EFCAB7: variants seen among roughly 807,000 people sequenced by gnomAD.
EFCAB7 encodes EF-hand calcium binding domain 7.
In EFCAB7, 66 loss-of-function variants were observed where a neutral mutation model predicts 77.1. The ratio of observed to expected loss-of-function variants is 0.86; its 90% CI spans 0.70 to 1.05. EFCAB7 has a LOEUF of 1.05. Among genes scored for constraint, EFCAB7 ranks in the 50% least tolerant of loss-of-function variants. The probability of loss-of-function intolerance (pLI) is 0.00; values close to 1 mark genes in which losing one functional copy is unlikely to be tolerated. For synonymous variants in EFCAB7, 225 were observed against 243.3 expected (o/e 0.92, Z 0.70); for missense variants, 638 against 730.5 (o/e 0.87, Z 1.46).
At position 63,531,903 on chromosome 1, in the gene EFCAB7, G is replaced by A; in HGVS notation, c.271G>A (p.Asp91Asn). ...TPQTAKLNFD[D>N]FCIILRKEKP... ...TCAAACTGCCAAACTGAATTTTGAT[G>A]ATTTTTGTATAATTTTAAGGAAGGA... The change falls in exon 3 of 14, where the codon GAT becomes AAT. Residue 91 changes from aspartate (D) to asparagine (N), a missense_variant. Transcript: ENST00000371088. 1 of 1,613,214 alleles carries A rather than the reference G, an allele frequency of 6.2e-7. No homozygotes were observed. Among genetic ancestry groups the A allele is most frequent in the South Asian group, 1.1e-5 (1 of 90,984 alleles).
chr1:63,544,917 CTTTCTTTTTTT>C (rs1389081702), intron 6 of EFCAB7, among the ~76,000 whole-genome samples: 1 of 147,780 alleles, frequency 6.8e-6, no homozygotes. Context: ...TTTTTCTTTT[CTTTCTTTTTTT>C]TTTTTTTTGA....
chr1:63,556,480 G>A (rs959395172), intron 9 of EFCAB7, among the ~76,000 whole-genome samples: 9 of 152,068 alleles, frequency 5.9e-5, no homozygotes, highest in Admixed American at 2.0e-4. Flanking sequence ...GTCAACTTCA[G>A]TCAAACATCG....
At chr1:63,575,574 A>G (rs1174208590), downstream of EFCAB7, among the ~76,000 whole-genome samples, 1 of 152,088 alleles carries the variant, frequency 6.6e-6, no homozygotes, top group African/African-American at 2.4e-5. Context: ...GGCTATATGC[A>G]TATTCAGGCA....
At chr1:63,558,416 T>C (rs1035544384) in intron 10 of EFCAB7, among the ~76,000 whole-genome samples, 8 of 152,176 alleles carry the variant, frequency 5.3e-5, no homozygotes, top group Non-Finnish European at 1.0e-4. Context: ...CTCTATGAAG[T>C]AGTACTTTAT....
At chr1:63,540,684 A>C (rs1335073341) in intron 6 of EFCAB7, among the ~76,000 whole-genome samples, 1 of 152,156 alleles carries the variant, frequency 6.6e-6, no homozygotes, top group Non-Finnish European at 1.5e-5. Context: ...TCTTTCTGTC[A>C]TGGGCAATAT....
downstream of EFCAB7, among the ~76,000 whole-genome samples, chr1:63,575,107 C>T (rs973590438): frequency 6.6e-6 from 1 of 152,046 alleles, no homozygotes; most frequent in Non-Finnish European, 1.5e-5. Context: ...AACTAATTAT[C>T]TAACATGCAG....
In EFCAB7 at chr1:63,557,256, T is replaced by A; in HGVS notation, c.1348+9T>A. The A allele has an allele frequency of 6.3e-7, 1 of 1,589,244 alleles. No homozygotes were observed. Among genetic ancestry groups the A allele is most frequent in the Non-Finnish European group, 8.5e-7 (1 of 1,174,022 alleles). On this transcript the variant is annotated intron_variant, in intron 10 of 13. Coordinates refer to ENST00000371088, the MANE Select transcript of EFCAB7 (RefSeq NM_032437.4). The stretch of plus-strand genomic sequence containing the variant: ...TTGGGCTGTCTGCAGAGGTAAGCAC[T>A]TTTCTTTTCCTTAACAGATGTATAA...
At chr1:63,561,215 T>G (rs749154247) in intron 10 of EFCAB7, among the ~76,000 whole-genome samples, 14 of 152,182 alleles carry the variant, frequency 9.2e-5, no homozygotes, top group Non-Finnish European at 1.2e-4. Flanking sequence ...TAGCTAAAAT[T>G]AGAGGAATCA....
At position 63,558,699 on chromosome 1, in the gene EFCAB7, C is replaced by CT. The variant is rs200616528; in HGVS notation, c.1348+1459dup. On this transcript the variant is annotated intron_variant, in intron 10 of 13. Coordinates refer to ENST00000371088, the MANE Select transcript of EFCAB7 (RefSeq NM_032437.4). ...TTATCTGTAAGATTATTTTAATAAA[C>CT]TTTTTTTACACTTAAAGATGCTTTA... Among the ~76,000 whole-genome samples, 583 of 152,082 alleles carry CT rather than the reference C, an allele frequency of 3.8e-3. 11 individuals are homozygous for CT. The highest frequency in any genetic ancestry group is 0.012 in the East Asian group (62 of 5,184).
At chr1:63,579,767 G>T in the EFCAB7 span, among the ~76,000 whole-genome samples, 453 of 152,260 alleles carry the variant, frequency 3.0e-3, 13 homozygotes, top group East Asian at 0.059. Context: ...GTATCTCATT[G>T]TGATTTTAGT....
chr1:63,585,298 T>C, the EFCAB7 span, among the ~76,000 whole-genome samples: 1 of 152,132 alleles, frequency 6.6e-6, no homozygotes, highest in Non-Finnish European at 1.5e-5. Context: ...TAGAATTTTT[T>C]AAAATTGTCA....
chr1:63,568,244 T>G (rs1647191637), intron 11 of EFCAB7, 66 bp from the exon 12 acceptor site: 2 of 1,345,890 alleles, frequency 1.5e-6, no homozygotes, highest in Non-Finnish European at 2.0e-6. Context: ...TCTTATATGG[T>G]AACATATTAA....
In EFCAB7 at chr1:63,568,335, A is replaced by G. The variant is rs757578799; in HGVS notation, c.1523A>G (p.Tyr508Cys). The change falls in exon 12 of 14, where the codon TAT becomes TGT. Residue 508 changes from tyrosine to cysteine, a missense_variant. Tyr to Cys is a radical substitution (Grantham distance 194). Coordinates refer to ENST00000371088, the MANE Select transcript of EFCAB7 (RefSeq NM_032437.4). ...GCATGTCCATTTGTCATTGATATCTATGCAGAAAAATGCAAGCCAAAAATT... is the reference window on the plus strand; with the variant it reads ...GCATGTCCATTTGTCATTGATATCTGTGCAGAAAAATGCAAGCCAAAAATT... ...TEACPFVIDI[Y>C]AEKCKPKIKA... The G allele has an allele frequency of 3.1e-6, 5 of 1,603,164 alleles. No individual in the cohort carries two copies. Among genetic ancestry groups the G allele is most frequent in the Middle Eastern group, 1.7e-4 (1 of 5,986 alleles).
chr1:63,579,043 A>T, the EFCAB7 span, among the ~76,000 whole-genome samples: 1 of 149,348 alleles, frequency 6.7e-6, no homozygotes, highest in East Asian at 1.9e-4. Context: ...TATTTCAGAT[A>T]AAAAAAAAAT....
At chr1:63,551,869 A>T in intron 8 of EFCAB7, 35 bp downstream of exon 8, 2 of 1,374,532 alleles carry the variant, frequency 1.5e-6, no homozygotes, top group Non-Finnish European at 2.0e-6. Context: ...TTAATTTTTA[A>T]ATATAGTATG....
intron 7 of EFCAB7, chr1:63,547,104 G>A (rs1309816388): frequency 6.6e-6 from 1 of 152,050 alleles, no homozygotes; most frequent in African/African-American, 2.4e-5. Flanking sequence ...TGCATCTCTT[G>A]TGGGATACGT....
chr1:63,574,421 T>C (rs1001591197), downstream of EFCAB7, among the ~76,000 whole-genome samples: 1 of 152,026 alleles, frequency 6.6e-6, no homozygotes, highest in Non-Finnish European at 1.5e-5. Flanking sequence ...TGGGAAGAGA[T>C]AGGTGGAAGT....
chr1:63,555,658 A>C (rs1347322332), intron 9 of EFCAB7, 143 bp downstream of exon 9: 2 of 644,978 alleles, frequency 3.1e-6, no homozygotes, highest in Non-Finnish European at 5.0e-6. Flanking sequence ...ACCTGTATGA[A>C]CTTGGAGGAT....
chr1:63,534,338 G>C (rs971518536), intron 6 of EFCAB7, 122 bp downstream of exon 6: 13 of 784,796 alleles, frequency 1.7e-5, no homozygotes, highest in Non-Finnish European at 2.5e-5. Flanking sequence ...AGGTTTTTCT[G>C]TGTAATTTCT....
Sources: allele counts gnomAD v4.1 joint callset (sites outside exome capture counted in the v4.1 genomes callset), GRCh38; gene constraint gnomAD v4.1.1; transcripts MANE v1.5; gene names NCBI Gene and HGNC (gene_info 2026-07-23, HGNC 2026-07-21).